The following AVL9 variants were observed in gnomAD, a reference collection of about 807,000 sequenced individuals.
AVL9 encodes AVL9 cell migration associated, also known as late secretory pathway protein AVL9 homolog.
A neutral mutation model predicts 79.2 loss-of-function variants in AVL9; 49 were observed. The observed-to-expected ratio is 0.62, with a 90% confidence interval of 0.49 to 0.79. AVL9 has a LOEUF of 0.79. Ranked by LOEUF, AVL9 falls within the 30% of genes least tolerant of loss-of-function variation. The probability of loss-of-function intolerance (pLI) is 0.00; values close to 1 mark genes in which losing one functional copy is unlikely to be tolerated. For synonymous variants in AVL9, 299 were observed against 280.6 expected, an observed-to-expected ratio of 1.07 and a Z score of -0.65; for missense variants, 682 against 776.8, an observed-to-expected ratio of 0.88 and a Z score of 1.45.
At chr7:32,527,764 A>G (rs1025820378) in intron 1 of AVL9, among the ~76,000 whole-genome samples, 2 of 152,214 alleles carry the variant, frequency 1.3e-5, no homozygotes, top group African/African-American at 2.4e-5. Flanking sequence ...CCTCTGGCAA[A>G]TCTTGGCCAG....
chr7:32,552,339 A>T (rs955403308), intron 6 of AVL9, 44 bp downstream of exon 6: 3 of 1,260,900 alleles, frequency 2.4e-6, no homozygotes, highest in Non-Finnish European at 3.4e-6. Flanking sequence ...CCTCATTTCT[A>T]TTTGTTTAGC....
chr7:32,551,020 T>C (rs527574698), intron 4 of AVL9, among the ~76,000 whole-genome samples: 13 of 152,308 alleles, frequency 8.5e-5, no homozygotes, highest in African/African-American at 2.9e-4. Flanking sequence ...TATTTTCATA[T>C]GCCCATGTTC....
At chr7:32,551,896 A>G (rs1789844935) in intron 5 of AVL9, among the ~76,000 whole-genome samples, 1 of 152,146 alleles carries the variant, frequency 6.6e-6, no homozygotes, top group Non-Finnish European at 1.5e-5. Flanking sequence ...TGGGAGTAGG[A>G]CATCTAGGGA....
At chr7:32,505,959 T>G in intron 1 of AVL9, among the ~76,000 whole-genome samples, 1 of 152,164 alleles carries the variant, frequency 6.6e-6, no homozygotes, top group East Asian at 1.9e-4. Context: ...ACAGCAAAGA[T>G]TCTAAGTCCG....
At chr7:32,551,309 G>A in intron 4 of AVL9, 25 bp from the exon 5 acceptor site, 1 of 1,433,382 alleles carries the variant, frequency 7.0e-7, no homozygotes, top group East Asian at 2.3e-5. Flanking sequence ...ATTAATCAAT[G>A]GTAATTTCTC....
At chr7:32,580,746 T>C in intron 14 of AVL9, 56 bp from the exon 15 acceptor site, 1 of 1,229,586 alleles carries the variant, frequency 8.1e-7, no homozygotes, top group Non-Finnish European at 1.2e-6. Flanking sequence ...TGTGTGCGTG[T>C]GTGAGATTTT....
chr7:32,512,309 G>A (rs1787708842), intron 1 of AVL9, among the ~76,000 whole-genome samples: 1 of 152,216 alleles, frequency 6.6e-6, no homozygotes, highest in South Asian at 2.1e-4. Flanking sequence ...TGGGAAGTCA[G>A]TATCCTAGTC....
In AVL9 at chr7:32,573,287, T is replaced by C; in HGVS notation, c.1439T>C (p.Leu480Pro). ...TTADLRFADYLVRHVTENRDD... is the reference protein window; with the variant it reads ...TTADLRFADYPVRHVTENRDD... Reference sequence around the variant, plus strand: ...GCAGACCTAAGGTTCGCAGACTACCTAGTGAGGCACGTGACTGAGAATCGG... The same window carrying C: ...GCAGACCTAAGGTTCGCAGACTACCCAGTGAGGCACGTGACTGAGAATCGG... The change falls in exon 12 of 16, where the codon CTA becomes CCA. Residue 480 changes from leucine to proline, a missense_variant. Transcript: ENST00000318709. The C allele has an allele frequency of 6.2e-7, 1 of 1,613,752 alleles. No individual in the cohort carries two copies. The highest frequency in any genetic ancestry group is 8.5e-7 in the Non-Finnish European group (1 of 1,179,974).
intron 1 of AVL9, among the ~76,000 whole-genome samples, chr7:32,503,407 A>ACACACACACACACACACACACACAC (rs1477431265): frequency 3.6e-4 from 22 of 60,312 alleles, no homozygotes; most frequent in Admixed American, 1.5e-3. Flanking sequence ...CACACACACA[A>ACACACACACACACACACACACACAC]ATTAGCCGGG....
intron 1 of AVL9, among the ~76,000 whole-genome samples, chr7:32,498,356 C>G (rs1786958641): frequency 6.9e-6 from 1 of 145,282 alleles, no homozygotes; most frequent in Admixed American, 7.2e-5. Context: ...TCAAGTGATT[C>G]TCCTGCCTCA....
At chr7:32,509,129 T>C (rs1787540179) in intron 1 of AVL9, among the ~76,000 whole-genome samples, 1 of 152,168 alleles carries the variant, frequency 6.6e-6, no homozygotes, top group Admixed American at 6.5e-5. Context: ...CTGCTACCTT[T>C]CCCTTTCTGG....
At chr7:32,520,559 TC>T (rs1451611588) in intron 1 of AVL9, among the ~76,000 whole-genome samples, 14 of 152,182 alleles carry the variant, frequency 9.2e-5, no homozygotes, top group African/African-American at 3.4e-4. Context: ...TCCTAACTCT[TC>T]CTGTAAAACA....
At chr7:32,561,367 C>T (rs1242007665) in intron 10 of AVL9, among the ~76,000 whole-genome samples, 3 of 152,254 alleles carry the variant, frequency 2.0e-5, no homozygotes, top group Admixed American at 2.0e-4. Flanking sequence ...GCTTCTTCAT[C>T]AGCACTTGCT....
At chr7:32,545,989 C>T (rs1432486156) in intron 3 of AVL9, among the ~76,000 whole-genome samples, 8 of 151,180 alleles carry the variant, frequency 5.3e-5, no homozygotes, top group African/African-American at 1.9e-4. Context: ...TTTAAAAGCT[C>T]GCCAGGTGAT....
chr7:32,502,964 G>A (rs558624070), intron 1 of AVL9, among the ~76,000 whole-genome samples: 1 of 152,286 alleles, frequency 6.6e-6, no homozygotes, highest in South Asian at 2.1e-4. Flanking sequence ...CATTGATTGG[G>A]AGACCACATC....
intron 1 of AVL9, chr7:32,536,447 T>C (rs969673974): frequency 3.9e-5 from 6 of 152,154 alleles, no homozygotes; most frequent in Non-Finnish European, 8.8e-5. Flanking sequence ...TTTGGATATA[T>C]AGAAAGGGGA....
intron 1 of AVL9, among the ~76,000 whole-genome samples, chr7:32,513,603 T>C (rs1278035594): frequency 6.6e-6 from 1 of 152,226 alleles, no homozygotes; most frequent in Non-Finnish European, 1.5e-5. Context: ...TATTGGTGGA[T>C]GTATTGAAGG....
chr7:32,573,347 G>T lies in AVL9; in HGVS notation c.1499G>T (p.Gly500Val). 6.2e-7 allele frequency: 1 copy of T among 1,613,860 alleles called. No individual in the cohort carries two copies. Among genetic ancestry groups the T allele is most frequent in the Non-Finnish European group, 8.5e-7 (1 of 1,179,998 alleles). ...DVFLDGTGWE[G>V]GDEWIRAQFA... ...TTCCTAGATGGCACGGGCTGGGAGG[G>T]AGGTGACGAATGGATCCGGGCCCAG... is the stretch of plus-strand genomic sequence containing the variant. Residue 500 changes from glycine to valine, a missense_variant, in exon 12 of 16, where the codon GGA becomes GTA. Transcript: ENST00000318709.
intron 1 of AVL9, among the ~76,000 whole-genome samples, chr7:32,509,853 G>C (rs2128116925): frequency 6.6e-6 from 1 of 151,812 alleles, no homozygotes; most frequent in Non-Finnish European, 1.5e-5. Flanking sequence ...GTCTCAAAAA[G>C]AAAAAAAGAC....
Sources: allele counts gnomAD v4.1 joint callset (sites outside exome capture counted in the v4.1 genomes callset), GRCh38; gene constraint gnomAD v4.1.1; transcripts MANE v1.5; gene names NCBI Gene and HGNC (gene_info 2026-07-23, HGNC 2026-07-21).